Variants in WIPF1 observed in about 807,000 individuals in gnomAD.
The protein encoded by WIPF1 is WAS/WASL interacting protein family member 1, also known as WAS/WASL-interacting protein family member 1.
WIPF1 carries 13 observed loss-of-function variants against 35.4 expected under a neutral mutation model. That is an observed-to-expected ratio of 0.37 (90% CI 0.24 to 0.58). The LOEUF is 0.58. Ranked by LOEUF, WIPF1 falls within the 20% of genes least tolerant of loss-of-function variation. The pLI is 0.74. For missense variants in WIPF1, 591 were observed against 667.0 expected (o/e 0.89, Z 1.25); for synonymous variants, 267 against 266.3 (o/e 1.00, Z -0.02).
chr2:174,562,580 C>G lies in WIPF1; in HGVS notation c.1479G>C (p.Arg493Ser), dbSNP rs774091021. The G allele has an allele frequency of 6.2e-7, 1 of 1,614,002 alleles. No individual in the cohort carries two copies. The highest frequency in any genetic ancestry group is 1.3e-5 in the African/African-American group (1 of 74,918). Residue 493 changes from arginine to serine, a missense_variant, in exon 8 of 8, where the codon AGG (arginine) becomes AGC (serine). Transcript: ENST00000679041. ...ESRSGSNRRERGAPPLPPIPR is the reference protein window; with the variant it reads ...ESRSGSNRRESGAPPLPPIPR Reference sequence around the variant, plus strand: ...GGATGGGAGGGAGTGGTGGAGCACCCCTTTCTCTTCGGTTGGATCCACCTT... The same window carrying G: ...GGATGGGAGGGAGTGGTGGAGCACCGCTTTCTCTTCGGTTGGATCCACCTT...
At chr2:174,565,044 C>T (rs140912556) in intron 7 of WIPF1, among the ~76,000 whole-genome samples, 12 of 152,074 alleles carry the variant, frequency 7.9e-5, no homozygotes, top group African/African-American at 2.9e-4. Context: ...TACACGCATG[C>T]GCCCCTATGC....
intron 2 of WIPF1, among the ~76,000 whole-genome samples, chr2:174,583,806 G>A (rs576387569): frequency 6.6e-6 from 1 of 152,206 alleles, no homozygotes; most frequent in Non-Finnish European, 1.5e-5. Flanking sequence ...CCCATGTGAA[G>A]GACCAACTTT....
chr2:174,656,103 C>G (rs981462712), intron 1 of WIPF1: 3 of 152,276 alleles, frequency 2.0e-5, no homozygotes, highest in African/African-American at 7.2e-5. Flanking sequence ...ATAGAGAGGC[C>G]ACTTGAAGGG....
At chr2:174,595,106 AAAAATAT>A (rs1362293827) in intron 1 of WIPF1, among the ~76,000 whole-genome samples, 1 of 42,964 alleles carries the variant, frequency 2.3e-5, no homozygotes, top group Admixed American at 3.1e-4. Flanking sequence ...AAAAAAAAAA[AAAAATAT>A]ATATATATAT....
intron 1 of WIPF1, among the ~76,000 whole-genome samples, chr2:174,633,852 GTGCCGGGA>G (rs1484835074): frequency 6.6e-6 from 1 of 152,104 alleles, no homozygotes; most frequent in Non-Finnish European, 1.5e-5. Flanking sequence ...TTAAACTCTG[GTGCCGGGA>G]AAAGGATTTC....
chr2:174,562,425 C>G lies in WIPF1; in HGVS notation c.*122G>C. On this transcript the variant is annotated 3_prime_UTR_variant, in exon 8 of 8. Coordinates refer to ENST00000679041, the MANE Select transcript of WIPF1 (RefSeq NM_001375834.1). ...CCCACACACGCATATTCCCACTCCC[C>G]CTCCCACCTTTCCTCCTGCCCATAC... The G allele has an allele frequency of 1.3e-6, 2 of 1,555,436 alleles. No individual in the cohort carries two copies. Among genetic ancestry groups the G allele is most frequent in the Non-Finnish European group, 1.7e-6 (2 of 1,148,436 alleles).
intron 1 of WIPF1, among the ~76,000 whole-genome samples, chr2:174,661,895 C>T (rs1035190078): frequency 6.6e-6 from 1 of 152,048 alleles, no homozygotes; most frequent in African/African-American, 2.4e-5. Context: ...GCCTTAAAGA[C>T]CAGAGGCAGG....
intron 1 of WIPF1, among the ~76,000 whole-genome samples, chr2:174,606,839 T>G (rs887812445): frequency 6.6e-6 from 1 of 152,154 alleles, no homozygotes; most frequent in African/African-American, 2.4e-5. Flanking sequence ...AAAAATACAT[T>G]GCCTTAGTCT....
chr2:174,626,763 C>A (rs946628163), intron 1 of WIPF1, among the ~76,000 whole-genome samples: 2 of 152,214 alleles, frequency 1.3e-5, no homozygotes, highest in Non-Finnish European at 2.9e-5. Flanking sequence ...TAACCCTTGT[C>A]CATGGCACCA....
At chr2:174,625,854 C>T (rs1422845674) in intron 1 of WIPF1, 1 of 152,194 alleles carries the variant, frequency 6.6e-6, no homozygotes, top group African/African-American at 2.4e-5. Context: ...ACTCAGGGTT[C>T]TCCTTCCTGA....
At chr2:174,627,235 T>C (rs1686866958) in intron 1 of WIPF1, among the ~76,000 whole-genome samples, 1 of 152,222 alleles carries the variant, frequency 6.6e-6, no homozygotes, top group Non-Finnish European at 1.5e-5. Flanking sequence ...CCTAGTATTT[T>C]TTAGATTTAT....
rs933389227 is a variant in WIPF1 at position 174,560,862 on chromosome 2, G to C, written c.*1685C>G. 6.6e-6 allele frequency: 1 copy of C among 152,532 alleles called. No individual in the cohort carries two copies. The highest frequency in any genetic ancestry group is 1.5e-5 in the Non-Finnish European group (1 of 68,030). The allele number at this position is 152,532 out of a possible 1,614,324, so 9.4% of individuals were successfully genotyped here. A position where few individuals can be genotyped will look rare whatever the true frequency, so the allele number is the denominator to read the frequency against. ...AAACATTTATTCTATAAATAGAAAT[G>C]TATTTTTCAGAATTTTCTTTGGGTT... On this transcript the variant is annotated 3_prime_UTR_variant, in exon 8 of 8. Coordinates refer to ENST00000679041, the MANE Select transcript of WIPF1 (RefSeq NM_001375834.1).
chr2:174,658,775 C>T (rs1194315239), intron 1 of WIPF1, among the ~76,000 whole-genome samples: 2 of 151,608 alleles, frequency 1.3e-5, no homozygotes, highest in African/African-American at 4.9e-5. Flanking sequence ...GGCAGGTACA[C>T]CCCACAGCAT....
intron 1 of WIPF1, among the ~76,000 whole-genome samples, chr2:174,627,086 A>G (rs979329581): frequency 1.3e-5 from 2 of 151,984 alleles, no homozygotes; most frequent in Admixed American, 6.6e-5. Flanking sequence ...ATGGTGAATT[A>G]TCTCACCATT....
At chr2:174,669,572 A>G (rs1178914774) in intron 1 of WIPF1, among the ~76,000 whole-genome samples, 2 of 152,222 alleles carry the variant, frequency 1.3e-5, no homozygotes, top group East Asian at 1.9e-4. Context: ...ACAGATACTC[A>G]ACATACATTA....
chr2:174,598,927 A>G (rs1685906735), upstream of WIPF1, among the ~76,000 whole-genome samples: 1 of 152,232 alleles, frequency 6.6e-6, no homozygotes, highest in Non-Finnish European at 1.5e-5. Context: ...ATTTTTTCTT[A>G]ACCCATCTTA....
chr2:174,618,429 TAAGAG>T (rs763008577), intron 1 of WIPF1, among the ~76,000 whole-genome samples: 100 of 152,322 alleles, frequency 6.6e-4, no homozygotes, highest in Non-Finnish European at 1.0e-3. Context: ...TCAGTGGACT[TAAGAG>T]AGGAGGGGAG....
intron 1 of WIPF1, among the ~76,000 whole-genome samples, chr2:174,680,823 T>C (rs191826280): frequency 6.6e-6 from 1 of 152,304 alleles, no homozygotes; most frequent in East Asian, 1.9e-4. Flanking sequence ...ATGGCCCCTG[T>C]ATCATACTCC....
chr2:174,585,233 C>T (rs759892982), intron 2 of WIPF1, among the ~76,000 whole-genome samples: 2 of 152,216 alleles, frequency 1.3e-5, no homozygotes, highest in African/African-American at 2.4e-5. Flanking sequence ...ATCCTGCAAA[C>T]CCTATCTTGG....
Sources: gnomAD v4.1 joint callset for allele counts (sites outside exome capture counted in the v4.1 genomes callset) on GRCh38, gnomAD v4.1.1 for gene constraint, MANE v1.5 for transcripts, NCBI Gene and HGNC (gene_info 2026-07-23, HGNC 2026-07-21) for gene names.